AP1M1: variants seen among roughly 807,000 people sequenced by gnomAD.
The protein encoded by AP1M1 is AP-1 complex subunit mu-1.
In AP1M1, 18 loss-of-function variants were observed where a neutral mutation model predicts 57.1. That is an observed-to-expected ratio of 0.32 (90% CI 0.22 to 0.47). The LOEUF (loss-of-function observed/expected upper bound fraction) is 0.47. Among genes scored for constraint, AP1M1 ranks in the 20% least tolerant of loss-of-function variants. AP1M1 has a pLI of 1.00. For synonymous variants in AP1M1, 241 were observed against 237.9 expected (o/e 1.01, Z -0.12); for missense variants, 362 against 593.5 (o/e 0.61, Z 4.05).
chr19:16,233,655 G>A (rs774681157), intron 10 of AP1M1, 37 bp downstream of exon 10: 1 of 1,587,998 alleles, frequency 6.3e-7, no homozygotes, highest in African/African-American at 1.3e-5. Context: ...CCAGAACAGG[G>A]ACAGAGGCCG....
Position 16,228,059 on chromosome 19 carries a change from G to C in AP1M1, c.817-78G>C. On this transcript the variant is annotated intron_variant, in intron 7 of 11. Transcript: ENST00000291439. The surrounding 1 kb of genome is among the most constrained non-coding windows in gnomAD (Gnocchi z 5.0). The stretch of plus-strand genomic sequence containing the variant: ...ACCTGGGCAGATGGTCCCTTGCCCT[G>C]GGCCTTGGTTTCCCCTCTGAAATGG... 1 of 1,438,310 alleles carries C rather than the reference G, an allele frequency of 7.0e-7. No homozygotes were observed. The highest frequency in any genetic ancestry group is 9.7e-7 in the Non-Finnish European group (1 of 1,032,012). The allele number at this position is 1,438,310 out of a possible 1,614,324, so 89.1% of individuals were successfully genotyped here.
intron 2 of AP1M1, among the ~76,000 whole-genome samples, chr19:16,205,625 A>G (rs1165001873): frequency 6.6e-6 from 1 of 152,158 alleles, no homozygotes; most frequent in Non-Finnish European, 1.5e-5. Context: ...GGTGCAGTGC[A>G]TGGGCCTACA....
rs900679123 is a variant in AP1M1, at chr19:16,240,937, C to T, written c.*6502C>T. 1.3e-5 allele frequency: 2 copies of T among 152,238 alleles called. No homozygotes were observed. The highest frequency in any genetic ancestry group is 2.9e-5 in the Non-Finnish European group (2 of 68,060). 9.4% of individuals were successfully genotyped at this position (152,238 alleles called of 1,614,324 possible). A position where few individuals can be genotyped will look rare whatever the true frequency, so the allele number is the denominator to read the frequency against. The stretch of plus-strand genomic sequence containing the variant: ...GCAATTGGACAGAGAACTGGTTTCA[C>T]AACTGGAACAACAAAAGTCCGAAGA... On this transcript the variant is annotated 3_prime_UTR_variant, in exon 12 of 12. Coordinates refer to ENST00000291439, the MANE Select transcript of AP1M1 (RefSeq NM_032493.4).
At chr19:16,213,172 T>C (rs1488604232) in intron 5 of AP1M1, among the ~76,000 whole-genome samples, 1 of 152,234 alleles carries the variant, frequency 6.6e-6, no homozygotes, top group Non-Finnish European at 1.5e-5. Context: ...GTGATCTGTC[T>C]AATACTGTCA....
intron 9 of AP1M1, 135 bp downstream of exon 9, chr19:16,229,063 A>G (rs3752796): frequency 0.75 from 835,234 of 1,109,594 alleles, 321,032 homozygotes; most frequent in Non-Finnish European, 0.8. Context: ...GGCTTCTGAA[A>G]GGGTGGACGG....
chr19:16,231,776 A>T (rs1189086127), intron 9 of AP1M1, among the ~76,000 whole-genome samples: 2 of 152,172 alleles, frequency 1.3e-5, no homozygotes, highest in Non-Finnish European at 2.9e-5. Flanking sequence ...TCCAGCTTCC[A>T]TTTGTTTTGG....
chr19:16,203,633 G>T lies in AP1M1; in HGVS notation c.199+18G>T. ...CCTGTATCGTATCCCTTTGCTGGGGGTGCTCCCAGGGGACTCCTGTGTGGG... is the reference window on the plus strand; with the variant it reads ...CCTGTATCGTATCCCTTTGCTGGGGTTGCTCCCAGGGGACTCCTGTGTGGG... On this transcript the variant is annotated intron_variant, in intron 2 of 11. Coordinates refer to ENST00000291439, the MANE Select transcript of AP1M1 (RefSeq NM_032493.4). This position sits in a 1 kb window ranked among gnomAD's most constrained non-coding sequence, Gnocchi z 4.6. 2.5e-6 allele frequency: 4 copies of T among 1,588,784 alleles called. No homozygotes were observed. Among genetic ancestry groups the T allele is most frequent in the Non-Finnish European group, 3.4e-6 (4 of 1,165,514 alleles).
At chr19:16,233,764 G>T in intron 10 of AP1M1, 146 bp downstream of exon 10, 1 of 1,157,498 alleles carries the variant, frequency 8.6e-7, no homozygotes, top group Non-Finnish European at 1.2e-6. Context: ...CCACAGACAG[G>T]GTGAGGCCAG....
In AP1M1 at chr19:16,228,484, G is replaced by A. The variant is rs887410245; in HGVS notation, c.888+276G>A. On this transcript the variant is annotated intron_variant, in intron 8 of 11. Transcript: ENST00000291439. The surrounding 1 kb of genome is among the most constrained non-coding windows in gnomAD (Gnocchi z 5.0). ...CTGCCCCTCAGCGACCCTGTCCAGC[G>A]CAGCCTGGCCCTGGGACATAGACAT... Among the ~76,000 whole-genome samples, 2 of 152,172 alleles carry A rather than the reference G, an allele frequency of 1.3e-5. No homozygotes were observed. Among genetic ancestry groups the A allele is most frequent in the Non-Finnish European group, 2.9e-5 (2 of 68,016 alleles).
intron 9 of AP1M1, among the ~76,000 whole-genome samples, chr19:16,231,465 G>A (rs1328967212): frequency 6.6e-6 from 1 of 151,760 alleles, no homozygotes; most frequent in East Asian, 1.9e-4. Context: ...GGAGTGCAGA[G>A]GCACGATCTC....
At chr19:16,223,711 G>T (rs890209768) in intron 5 of AP1M1, among the ~76,000 whole-genome samples, 3 of 152,230 alleles carry the variant, frequency 2.0e-5, no homozygotes, top group Non-Finnish European at 4.4e-5. Context: ...GATTGCTGCT[G>T]CACTTTCTCG....
chr19:16,226,522 C>A lies in AP1M1; in HGVS notation c.648C>A (p.Asp216Glu). ...CCGAGCTGCGCCTGGGCCTCAACGACAAGGTCCTCTTTGACAACACGGGCC... is the reference window on the plus strand; with the variant it reads ...CCGAGCTGCGCCTGGGCCTCAACGAAAAGGTCCTCTTTGACAACACGGGCC... ...GMPELRLGLN[D>E]KVLFDNTGRG... Residue 216 changes from aspartate (D) to glutamate (E), a missense_variant, in exon 6 of 12, where the codon GAC becomes GAA. Transcript: ENST00000291439. 1 of 1,592,680 alleles carries A rather than the reference C, an allele frequency of 6.3e-7. No homozygotes were observed. The highest frequency in any genetic ancestry group is 1.3e-5 in the African/African-American group (1 of 74,802).
At chr19:16,231,105 G>A (rs1313931061) in intron 9 of AP1M1, among the ~76,000 whole-genome samples, 5 of 151,842 alleles carry the variant, frequency 3.3e-5, no homozygotes, top group African/African-American at 7.3e-5. Context: ...TGGCTAACAT[G>A]GTGAAACCCC....
intron 5 of AP1M1, among the ~76,000 whole-genome samples, chr19:16,220,453 C>T (rs1031739519): frequency 1.5e-4 from 23 of 151,964 alleles, no homozygotes; most frequent in Non-Finnish European, 2.4e-4. Flanking sequence ...TGCAGTGGCG[C>T]GATTACAGCT....
chr19:16,220,254 G>A (rs924340406), intron 5 of AP1M1, among the ~76,000 whole-genome samples: 9 of 152,202 alleles, frequency 5.9e-5, no homozygotes, highest in South Asian at 2.1e-4. Context: ...GCCCAGGCTG[G>A]AGGGCAGTAG....
chr19:16,203,431 C>A lies in AP1M1; in HGVS notation c.43-28C>A, dbSNP rs369291896. 4.3e-6 allele frequency: 7 copies of A among 1,613,914 alleles called. No individual in the cohort carries two copies. In the East Asian group the frequency reaches 1.6e-4, roughly 36 times the overall value. On this transcript the variant is annotated intron_variant, in intron 1 of 11. Transcript: ENST00000291439. The surrounding 1 kb of genome is among the most constrained non-coding windows in gnomAD (Gnocchi z 4.6). Reference sequence around the variant, plus strand: ...CAGATTGTAGAACTGAAAATGCAAGCATCTTTTCTCTTCCTTCCCCACCCC... The same window carrying A: ...CAGATTGTAGAACTGAAAATGCAAGAATCTTTTCTCTTCCTTCCCCACCCC...
Position 16,207,689 on chromosome 19 carries a change from C to G in AP1M1, c.268-330C>G, listed in dbSNP as rs142126969. 8.3e-4 allele frequency among the ~76,000 whole-genome samples: 127 copies of G among 152,268 alleles called. 1 individual carries two copies. In the Middle Eastern group the frequency reaches 0.01, roughly 12 times the overall value. ...GCTCATCAGGTCCTTGCCTGAGTCA[C>G]TCCAGACTCAGAAAGGGATGACAGT... On this transcript the variant is annotated intron_variant, in intron 3 of 11. Transcript: ENST00000291439. This position sits in a 1 kb window ranked among gnomAD's most constrained non-coding sequence, Gnocchi z 4.2.
chr19:16,234,454 A>G lies in AP1M1; in HGVS notation c.*19A>G, dbSNP rs1378749606. ...CCAGTGAGGGGCTGTCGCAGCCAAC[A>G]CCCCGGCCTCGGGGCTCCTGGTGGC... On this transcript the variant is annotated 3_prime_UTR_variant, in exon 12 of 12. Coordinates refer to ENST00000291439, the MANE Select transcript of AP1M1 (RefSeq NM_032493.4). The G allele has an allele frequency of 9.3e-6, 15 of 1,612,740 alleles. No homozygotes were observed. Among genetic ancestry groups the G allele is most frequent in the Non-Finnish European group, 1.3e-5 (15 of 1,179,750 alleles).
In AP1M1 at chr19:16,228,220, G is replaced by A. The variant is rs759061868; in HGVS notation, c.888+12G>A. 18 of 1,612,616 alleles carry A rather than the reference G, an allele frequency of 1.1e-5. No homozygotes were observed. The highest frequency in any genetic ancestry group is 3.3e-5 in the Admixed American group (2 of 59,996). The stretch of plus-strand genomic sequence containing the variant: ...AGTACATGATCAAGGTGCGTGGGCC[G>A]AGGCCACCCACTGAGGGCCTTCTGG... On this transcript the variant is annotated intron_variant, in intron 8 of 11. Coordinates refer to ENST00000291439, the MANE Select transcript of AP1M1 (RefSeq NM_032493.4). The surrounding 1 kb of genome is among the most constrained non-coding windows in gnomAD (Gnocchi z 5.0).
Sources: allele counts gnomAD v4.1 joint callset (sites outside exome capture counted in the v4.1 genomes callset), GRCh38; gene constraint gnomAD v4.1.1; non-coding constraint Gnocchi (gnomAD v3.1); transcripts MANE v1.5; gene names NCBI Gene and HGNC (gene_info 2026-07-23, HGNC 2026-07-21).